Variants in DSG1 observed in about 807,000 individuals in gnomAD.
The protein encoded by DSG1 is desmoglein-1.
In DSG1, 39 loss-of-function variants were observed where a neutral mutation model predicts 97.5. The ratio of observed to expected loss-of-function variants is 0.40; its 90% CI spans 0.31 to 0.52. The LOEUF is 0.52. Ranked by LOEUF, DSG1 falls within the 20% of genes least tolerant of loss-of-function variation. The pLI is 0.53. For missense variants in DSG1, 1,311 were observed against 1,295.4 expected, an observed-to-expected ratio of 1.01 and a Z score of -0.18; for synonymous variants, 475 against 443.4, an observed-to-expected ratio of 1.07 and a Z score of -0.90.
rs547854974 is a variant in DSG1 at position 31,334,277 on chromosome 18, C to T, written c.1005+75C>T. On this transcript the variant is annotated intron_variant, in intron 8 of 14. Coordinates refer to ENST00000257192, the MANE Select transcript of DSG1 (RefSeq NM_001942.4). ...ATGTTAAACTTAAAATAAAATGATG[C>T]TAACATTTCACAAACTTGGCTTAGT... 39 of 1,080,728 alleles carry T rather than the reference C, an allele frequency of 3.6e-5. No individual in the cohort carries two copies. The African/African-American group carries it at 5.9e-4, about 16-fold the overall frequency. 66.9% of individuals were successfully genotyped at this position (1,080,728 alleles called of 1,614,324 possible).
At position 31,334,219 on chromosome 18, in the gene DSG1, C is replaced by T. The variant is rs759220689; in HGVS notation, c.1005+17C>T. The T allele has an allele frequency of 2.0e-6, 3 of 1,502,692 alleles. No homozygotes were observed. The African/African-American group carries it at 4.1e-5, about 21-fold the overall frequency. 93.1% of individuals were successfully genotyped at this position (1,502,692 alleles called of 1,614,324 possible). On this transcript the variant is annotated intron_variant, in intron 8 of 14. Transcript: ENST00000257192. ...GTTGTTAAGGTATGGTATAATTATCCTAAATATTTTGTTTTCTTAATCTTT... is the reference window on the plus strand; with the variant it reads ...GTTGTTAAGGTATGGTATAATTATCTTAAATATTTTGTTTTCTTAATCTTT...
Position 31,354,376 on chromosome 18 carries a change from G to T in DSG1, c.2180G>T (p.Gly727Val), listed in dbSNP as rs751208754. The T allele has an allele frequency of 1.9e-6, 3 of 1,614,060 alleles. No homozygotes were observed. Among genetic ancestry groups the T allele is most frequent in the Non-Finnish European group, 2.5e-6 (3 of 1,180,032 alleles). Residue 727 changes from glycine to valine, a missense_variant, in exon 15 of 15, where the codon GGT becomes GTT. Physicochemically the swap from Gly to Val is moderately radical, Grantham distance 109 (BLOSUM62 -3). Around this residue, in one of 3 missense-constraint regions of DSG1, gnomAD observed 1,038 missense variants for 964.6 expected, o/e 1.08. Coordinates refer to ENST00000257192, the MANE Select transcript of DSG1 (RefSeq NM_001942.4). The stretch of plus-strand genomic sequence containing the variant: ...CTCATATATGACATCGAAGGTGTAG[G>T]TTCCCCTGCTGGCTCTGTGGGTTGT... Reference protein sequence around the residue: ...CLLIYDIEGVGSPAGSVGCCS... With the variant: ...CLLIYDIEGVVSPAGSVGCCS...
At chr18:31,344,040 A>C in intron 13 of DSG1, 45 bp downstream of exon 13, 2 of 1,337,466 alleles carry the variant, frequency 1.5e-6, no homozygotes, top group Non-Finnish European at 2.1e-6. Context: ...CTTAAGTAGG[A>C]AGTCTATTTT....
chr18:31,358,900 T>C lies in DSG1; in HGVS notation c.*3554T>C, dbSNP rs1183010089. Among the ~76,000 whole-genome samples the C allele has an allele frequency of 1.3e-5, 2 of 152,114 alleles. No individual in the cohort carries two copies. The highest frequency in any genetic ancestry group is 6.6e-5 in the Admixed American group (1 of 15,262). On this transcript the variant is annotated 3_prime_UTR_variant, in exon 15 of 15. Coordinates refer to ENST00000257192, the MANE Select transcript of DSG1 (RefSeq NM_001942.4). ...ATTATTCAATTTATGTTAGGACAAA[T>C]CTTGACTAGATCAACCTGTTTTCCA...
At position 31,355,608 on chromosome 18, in the gene DSG1, G is replaced by A. The variant is rs2071950154; in HGVS notation, c.*262G>A. Reference sequence around the variant, plus strand: ...CTTCTTTGTGCCTGAGTGGCCTGTAGTCCATCTCCAGCATGTAACTGGCCT... The same window carrying A: ...CTTCTTTGTGCCTGAGTGGCCTGTAATCCATCTCCAGCATGTAACTGGCCT... On this transcript the variant is annotated 3_prime_UTR_variant, in exon 15 of 15. Transcript: ENST00000257192. The A allele has an allele frequency of 2.0e-6, 1 of 502,904 alleles. No homozygotes were observed. Among genetic ancestry groups the A allele is most frequent in the Non-Finnish European group, 3.6e-6 (1 of 277,546 alleles). 31.2% of individuals were successfully genotyped at this position (502,904 alleles called of 1,614,324 possible).
chr18:31,355,154 T>C lies in DSG1; in HGVS notation c.2958T>C (p.Ala986=), dbSNP rs2071944351. 4.3e-6 allele frequency: 7 copies of C among 1,609,678 alleles called. No individual in the cohort carries two copies. The highest frequency in any genetic ancestry group is 1.1e-5 in the South Asian group (1 of 90,420). ...SSGLVGTSMG[A]GSGALSGAGI... ...GCCTGGTTGGCACCAGCATGGGTGC[T>C]GGGAGCGGTGCCCTGAGTGGAGCTG... Residue 986 remains alanine, a synonymous_variant, in exon 15 of 15, where the codon GCT becomes GCC. Transcript: ENST00000257192.
chr18:31,322,861 C>T (rs2144082921), intron 1 of DSG1, among the ~76,000 whole-genome samples: 1 of 152,174 alleles, frequency 6.6e-6, no homozygotes, highest in East Asian at 1.9e-4. Context: ...TTATTATGTG[C>T]AAGGAAGCAT....
intron 14 of DSG1, among the ~76,000 whole-genome samples, chr18:31,350,452 G>A (rs1227753832): frequency 6.8e-6 from 1 of 146,522 alleles, no homozygotes; most frequent in African/African-American, 2.6e-5. Flanking sequence ...GTCTCTGCCT[G>A]GCTTTGGTAT....
chr18:31,354,690 T>C lies in DSG1; in HGVS notation c.2494T>C (p.Tyr832His), dbSNP rs1317128408. 1 of 1,614,126 alleles carries C rather than the reference T, an allele frequency of 6.2e-7. No individual in the cohort carries two copies. Reference protein sequence around the residue: ...HPKPILDPLGYGNVTVTESYT... With the variant: ...HPKPILDPLGHGNVTVTESYT... Reference sequence around the variant, plus strand: ...TAAGCCTATTCTCGATCCTCTGGGCTATGGTAATGTCACTGTGACCGAGTC... The same window carrying C: ...TAAGCCTATTCTCGATCCTCTGGGCCATGGTAATGTCACTGTGACCGAGTC... The change falls in exon 15 of 15, where the codon TAT becomes CAT. Residue 832 changes from tyrosine to histidine, a missense_variant. Transcript: ENST00000257192.
At chr18:31,346,826 C>A (rs995056075) in intron 14 of DSG1, among the ~76,000 whole-genome samples, 1 of 152,146 alleles carries the variant, frequency 6.6e-6, no homozygotes, top group Non-Finnish European at 1.5e-5. Flanking sequence ...TCCATATATT[C>A]TCTACGTTGT....
chr18:31,325,600 CT>C (rs780530552), intron 1 of DSG1, among the ~76,000 whole-genome samples: 26 of 151,670 alleles, frequency 1.7e-4, no homozygotes, highest in Non-Finnish European at 3.2e-4. Flanking sequence ...GGGCCATTTA[CT>C]TTTCTTTTTT....
rs533747357 is a variant in DSG1 at position 31,339,591 on chromosome 18, C to T, written c.1406-153C>T. On this transcript the variant is annotated intron_variant, in intron 10 of 14. Transcript: ENST00000257192. ...TAATAATTTAACTGATTTTTAAAAC[C>T]GAGTCAAAAACAAGGGATGATTTTC... 7.5e-4 allele frequency among the ~76,000 whole-genome samples: 114 copies of T among 151,414 alleles called. 1 individual carries two copies. Among genetic ancestry groups the T allele is most frequent in the African/African-American group, 2.6e-3 (109 of 41,300 alleles).
chr18:31,338,397 A>G lies in DSG1; in HGVS notation c.1348A>G (p.Lys450Glu). The G allele has an allele frequency of 3.1e-6, 5 of 1,613,842 alleles. No individual in the cohort carries two copies. Among genetic ancestry groups the G allele is most frequent in the Non-Finnish European group, 4.2e-6 (5 of 1,179,796 alleles). The change falls in exon 10 of 15, where the codon AAG becomes GAG. Residue 450 changes from lysine to glutamate, a missense_variant. By Grantham distance (56) the Lys-to-Glu change is moderately conservative. Around this residue, in one of 3 missense-constraint regions of DSG1, gnomAD observed 1,038 missense variants for 964.6 expected, o/e 1.08. Coordinates refer to ENST00000257192, the MANE Select transcript of DSG1 (RefSeq NM_001942.4). ...GKLTLKNKVT[K>E]EQYNMLGGKY... ...ACTCACTTTGAAAAATAAAGTTACC[A>G]AGGAACAGTACAATATGCTCGGAGG...
chr18:31,343,345 C>T, intron 11 of DSG1, 105 bp from the exon 12 acceptor site: 1 of 1,513,258 alleles, frequency 6.6e-7, no homozygotes, highest in African/African-American at 1.4e-5. Flanking sequence ...TTAGAACCAA[C>T]CAGAATTATA....
chr18:31,345,858 T>C, intron 13 of DSG1, 132 bp from the exon 14 acceptor site: 2 of 671,606 alleles, frequency 3.0e-6, no homozygotes, highest in East Asian at 2.7e-5. Flanking sequence ...CCTTTCTTTA[T>C]GTATTATCTT....
chr18:31,328,081 C>T, intron 3 of DSG1, 108 bp from the exon 4 acceptor site: 1 of 1,163,188 alleles, frequency 8.6e-7, no homozygotes, highest in Non-Finnish European at 1.2e-6. Flanking sequence ...ACAACATTTC[C>T]TAAATAACAA....
chr18:31,351,111 T>C lies in DSG1; in HGVS notation c.2101-3186T>C, dbSNP rs926496858. Reference sequence around the variant, plus strand: ...GCTTTCTCTTGTGGGCATTTAGTGCTATAAATTTCCCTCTACACACTGCTT... The same window carrying C: ...GCTTTCTCTTGTGGGCATTTAGTGCCATAAATTTCCCTCTACACACTGCTT... On this transcript the variant is annotated intron_variant, in intron 14 of 14. Transcript: ENST00000257192. 2.0e-5 allele frequency among the ~76,000 whole-genome samples: 3 copies of C among 148,122 alleles called. No homozygotes were observed. In the East Asian group the frequency reaches 5.8e-4, roughly 29 times the overall value.
intron 1 of DSG1, among the ~76,000 whole-genome samples, chr18:31,322,528 C>A (rs1247820027): frequency 6.6e-6 from 1 of 152,068 alleles, no homozygotes; most frequent in East Asian, 1.9e-4. Context: ...GTAAAATACA[C>A]AAACGAAAAG....
chr18:31,321,743 G>T (rs950015851), intron 1 of DSG1, among the ~76,000 whole-genome samples: 2 of 152,150 alleles, frequency 1.3e-5, no homozygotes, highest in Admixed American at 6.5e-5. Context: ...CCTAGAATAA[G>T]ATTCACTTAT....
Sources: gnomAD v4.1 joint callset for allele counts (sites outside exome capture counted in the v4.1 genomes callset) on GRCh38, gnomAD v4.1.1 for gene constraint, gnomAD v4.1.1 regional missense constraint, MANE v1.5 for transcripts, NCBI Gene and HGNC (gene_info 2026-07-23, HGNC 2026-07-21) for gene names.